Variants in FAM133B observed in about 807,000 individuals in gnomAD.
The protein encoded by FAM133B is family with sequence similarity 133 member B, also known as protein FAM133B.
Under a neutral mutation model 46.4 loss-of-function variants are expected in FAM133B, and 25 were observed. The ratio of observed to expected loss-of-function variants is 0.54; its 90% CI spans 0.39 to 0.75. The LOEUF (loss-of-function observed/expected upper bound fraction) is 0.75, where lower values mean the gene tolerates loss of function less well. Among genes scored for constraint, FAM133B ranks in the 30% least tolerant of loss-of-function variants. The pLI is 0.00. For synonymous variants in FAM133B, 75 were observed against 86.0 expected, an observed-to-expected ratio of 0.87 and a Z score of 0.71; for missense variants, 205 against 277.6, an observed-to-expected ratio of 0.74 and a Z score of 1.86.
intron 1 of FAM133B, among the ~76,000 whole-genome samples, chr7:92,582,732 A>G (rs1794925998): frequency 6.6e-6 from 1 of 152,242 alleles, no homozygotes. Flanking sequence ...AAACACATAA[A>G]AAAATGTTCA....
At chr7:92,580,888 C>T (rs762263278) in intron 2 of FAM133B, among the ~76,000 whole-genome samples, 5 of 152,148 alleles carry the variant, frequency 3.3e-5, no homozygotes, top group Non-Finnish European at 7.4e-5. Flanking sequence ...GTAAACAATC[C>T]TTACTTCTTA....
intron 10 of FAM133B, among the ~76,000 whole-genome samples, chr7:92,562,809 G>C (rs925415461): frequency 6.6e-6 from 1 of 152,160 alleles, no homozygotes; most frequent in African/African-American, 2.4e-5. Flanking sequence ...AGGTACACAG[G>C]CATTGTGTAC....
At chr7:92,563,036 T>C (rs1794207024) in intron 10 of FAM133B, among the ~76,000 whole-genome samples, 1 of 152,218 alleles carries the variant, frequency 6.6e-6, no homozygotes, top group African/African-American at 2.4e-5. Context: ...TGCTGAAGTC[T>C]GACTCTCCTA....
At chr7:92,570,602 A>G (rs1459949047) in intron 8 of FAM133B, among the ~76,000 whole-genome samples, 2 of 152,154 alleles carry the variant, frequency 1.3e-5, no homozygotes, top group Admixed American at 6.5e-5. Flanking sequence ...ACTGTTCTGT[A>G]TATCTGAAGT....
At chr7:92,586,684 G>A (rs1795045454) in intron 1 of FAM133B, among the ~76,000 whole-genome samples, 1 of 152,152 alleles carries the variant, frequency 6.6e-6, no homozygotes, top group Non-Finnish European at 1.5e-5. Flanking sequence ...TTGGTCTCAA[G>A]GGGATATGTA....
chr7:92,577,265 A>C lies in FAM133B; in HGVS notation c.373-70T>G, dbSNP rs895187513. On this transcript the variant is annotated intron_variant, in intron 6 of 10. Coordinates refer to ENST00000445716, the MANE Select transcript of FAM133B (RefSeq NM_152789.4). ...TCTAATTTACACATTTATTAATATA[A>C]AACTTTTATCAGTGAACAAAATTTC... is the stretch of plus-strand genomic sequence containing the variant. 2.6e-5 allele frequency: 29 copies of C among 1,115,178 alleles called. No homozygotes were observed. The East Asian group carries it at 3.7e-4, about 14-fold the overall frequency. The allele number at this position is 1,115,178 out of a possible 1,614,324, so 69.1% of individuals were successfully genotyped here. A position where few individuals can be genotyped will look rare whatever the true frequency, so the allele number is the denominator to read the frequency against.
rs1794188883 is a variant in FAM133B, at chr7:92,562,435, T to C, written c.658-67A>G. 3.3e-6 allele frequency: 5 copies of C among 1,494,960 alleles called. No homozygotes were observed. In the African/African-American group the frequency reaches 4.2e-5, roughly 13 times the overall value. The allele number at this position is 1,494,960 out of a possible 1,614,324, so 92.6% of individuals were successfully genotyped here. A position where few individuals can be genotyped will look rare whatever the true frequency, so the allele number is the denominator to read the frequency against. ...ACGCAAATTAAAAGCATCTTTACCA[T>C]GCTTCTAAGCTACCACATAATTCCA... On this transcript the variant is annotated intron_variant, in intron 10 of 10. Coordinates refer to ENST00000445716, the MANE Select transcript of FAM133B (RefSeq NM_152789.4).
rs188825748 is a variant in FAM133B, at chr7:92,571,823, A to G, written c.517-1908T>C. Among the ~76,000 whole-genome samples, 3 of 152,304 alleles carry G rather than the reference A, an allele frequency of 2.0e-5. No individual in the cohort carries two copies. The East Asian group carries it at 5.8e-4, about 29-fold the overall frequency. On this transcript the variant is annotated intron_variant, in intron 8 of 10. Transcript: ENST00000445716. ...TAATGTTTTAATATCCAGTACGGCA[A>G]GTTATACCCAGGAACACGTTATGAC...
chr7:92,579,899 G>A (rs573615991), intron 2 of FAM133B, among the ~76,000 whole-genome samples: 9 of 152,220 alleles, frequency 5.9e-5, no homozygotes, highest in South Asian at 4.2e-4. Flanking sequence ...AATACAGCTC[G>A]CCTGACTGCT....
At chr7:92,580,214 C>T (rs770851572) in intron 2 of FAM133B, among the ~76,000 whole-genome samples, 11 of 144,294 alleles carry the variant, frequency 7.6e-5, no homozygotes, top group Non-Finnish European at 1.2e-4. Flanking sequence ...GCTAAGACTA[C>T]AGGCATGTAC....
chr7:92,586,693 T>C (rs1795045840), intron 1 of FAM133B, among the ~76,000 whole-genome samples: 2 of 152,160 alleles, frequency 1.3e-5, no homozygotes. Context: ...AGGGGATATG[T>C]ATGGGGGCAG....
At chr7:92,575,188 C>G (rs1382081970) in intron 8 of FAM133B, among the ~76,000 whole-genome samples, 1 of 152,038 alleles carries the variant, frequency 6.6e-6, no homozygotes, top group Non-Finnish European at 1.5e-5. Flanking sequence ...TTGGAAGGGC[C>G]TTCTTCAAAA....
chr7:92,572,820 A>C (rs1794571912), intron 8 of FAM133B, among the ~76,000 whole-genome samples: 1 of 152,216 alleles, frequency 6.6e-6, no homozygotes, highest in African/African-American at 2.4e-5. Context: ...AAAACAATCT[A>C]GATGTTCATA....
intron 2 of FAM133B, among the ~76,000 whole-genome samples, chr7:92,580,881 A>T (rs150138491): frequency 2.0e-5 from 3 of 152,340 alleles, no homozygotes; most frequent in African/African-American, 7.2e-5. Context: ...CACACTGGTA[A>T]ACAATCCTTA....
At chr7:92,569,511 A>G (rs17164617) in intron 9 of FAM133B, 9,967 of 169,142 alleles carry the variant, frequency 0.059, 333 homozygotes, top group Middle Eastern at 0.088. Context: ...GTTTGGTTTC[A>G]ACATGCTGTA....
At chr7:92,563,261 T>C (rs768511276) in intron 10 of FAM133B, among the ~76,000 whole-genome samples, 20 of 152,222 alleles carry the variant, frequency 1.3e-4, no homozygotes, top group Admixed American at 5.2e-4. Flanking sequence ...TACCACTCTG[T>C]GGCACTAAGC....
intron 2 of FAM133B, among the ~76,000 whole-genome samples, chr7:92,579,870 T>C (rs1794815527): frequency 6.6e-6 from 1 of 152,162 alleles, no homozygotes; most frequent in Non-Finnish European, 1.5e-5. Flanking sequence ...GTACCTAACA[T>C]GCTGTGCAGA....
intron 10 of FAM133B, among the ~76,000 whole-genome samples, chr7:92,562,733 T>C (rs962773088): frequency 1.5e-4 from 23 of 152,180 alleles, no homozygotes; most frequent in African/African-American, 4.8e-4. Context: ...AATAAAAACA[T>C]AATTGTTTTT....
intron 8 of FAM133B, among the ~76,000 whole-genome samples, chr7:92,573,038 G>C (rs1225237294): frequency 6.7e-6 from 1 of 149,504 alleles, no homozygotes; most frequent in Non-Finnish European, 1.5e-5. Flanking sequence ...AAAAAAAAAA[G>C]AAACTCAATA....
Sources: allele counts gnomAD v4.1 joint callset (sites outside exome capture counted in the v4.1 genomes callset), GRCh38; gene constraint gnomAD v4.1.1; transcripts MANE v1.5; gene names NCBI Gene and HGNC (gene_info 2026-07-23, HGNC 2026-07-21).